Variants in MIGA2 observed in about 807,000 individuals in gnomAD.
The protein encoded by MIGA2 is family with sequence similarity 73, member B.
MIGA2 carries 36 observed loss-of-function variants against 69.9 expected under a neutral mutation model. The observed-to-expected ratio is 0.52, with a 90% CI of 0.39 to 0.68. MIGA2 has a LOEUF of 0.68. Among genes scored for constraint, MIGA2 ranks in the 30% least tolerant of loss-of-function variants. The pLI is 0.00. For missense variants in MIGA2, 660 were observed against 787.7 expected (o/e 0.84, Z 1.94); for synonymous variants, 333 against 349.2 (o/e 0.95, Z 0.52).
chr9:129,042,866 G>A (rs7032735), intron 3 of MIGA2, among the ~76,000 whole-genome samples: 356 of 152,282 alleles, frequency 2.3e-3, no homozygotes, highest in African/African-American at 8.1e-3. Context: ...GTTCTTGAAT[G>A]ATGCAGTATT....
intron 6 of MIGA2, among the ~76,000 whole-genome samples, chr9:129,053,409 G>T (rs1439158258): frequency 1.3e-5 from 2 of 151,658 alleles, no homozygotes; most frequent in South Asian, 2.1e-4. Context: ...TGTTGCCCAG[G>T]CTGGAGTGCA....
At chr9:129,049,648 G>T (rs549398231) in intron 5 of MIGA2, 150 bp downstream of exon 5, 1 of 1,259,420 alleles carries the variant, frequency 7.9e-7, no homozygotes, top group South Asian at 1.3e-5. Context: ...CTGAACAAGG[G>T]ACAGTGTCTA....
rs144558413 is a variant in MIGA2, at chr9:129,059,876, C to T, written c.793+605C>T. Among the ~76,000 whole-genome samples, 415 of 152,240 alleles carry T rather than the reference C, an allele frequency of 2.7e-3. 5 individuals are homozygous for T. Among genetic ancestry groups the T allele is most frequent in the African/African-American group, 9.4e-3 (391 of 41,560 alleles). On this transcript the variant is annotated intron_variant, in intron 7 of 15. Transcript: ENST00000684074. This position sits in a 1 kb window ranked among gnomAD's most constrained non-coding sequence, Gnocchi z 5.6. ...GGCTCTGCCAGTGGAGACACAGAAC[C>T]GGAGTGGGTCGGCCGAGCCACGCAC...
chr9:129,040,749 G>A (rs956809737), intron 2 of MIGA2, 59 bp downstream of exon 2: 5 of 1,496,852 alleles, frequency 3.3e-6, no homozygotes, highest in Non-Finnish European at 4.6e-6. Flanking sequence ...CTCAGCCAAG[G>A]GCTCCTCCGT....
rs773409697 is a variant in MIGA2 at position 129,063,295 on chromosome 9, C to T, written c.1062C>T (p.His354=). 3.1e-6 allele frequency: 5 copies of T among 1,614,000 alleles called. No individual in the cohort carries two copies. Among genetic ancestry groups the T allele is most frequent in the Non-Finnish European group, 4.2e-6 (5 of 1,180,036 alleles). The change falls in exon 10 of 16, where the codon CAC becomes CAT. Residue 354 remains histidine, a synonymous_variant. Transcript: ENST00000684074. ...YSDQDFLAKL[H]CVRQAFEGLL... ...ACCAGGACTTTCTGGCCAAGCTGCA[C>T]TGTGTGCGGCAGGCCTTCGAGGTGG...
At chr9:129,049,313 G>T in intron 4 of MIGA2, 68 bp from the exon 5 acceptor site, 1 of 1,492,358 alleles carries the variant, frequency 6.7e-7, no homozygotes, top group Non-Finnish European at 9.3e-7. Context: ...GTGGAGGAGG[G>T]CTCAGGGGGG....
At chr9:129,058,218 A>T (rs1845889011) in intron 6 of MIGA2, among the ~76,000 whole-genome samples, 1 of 151,868 alleles carries the variant, frequency 6.6e-6, no homozygotes, top group African/African-American at 2.4e-5. Flanking sequence ...GCAATGTGGC[A>T]AAACCCTGTA....
At chr9:129,063,184 C>T in intron 9 of MIGA2, 60 bp from the exon 10 acceptor site, 2 of 1,574,120 alleles carry the variant, frequency 1.3e-6, no homozygotes, top group Non-Finnish European at 1.7e-6. Context: ...TGCCACCTGA[C>T]CCCCCGGGGC....
At chr9:129,057,056 A>C (rs1845834774) in intron 6 of MIGA2, among the ~76,000 whole-genome samples, 1 of 151,926 alleles carries the variant, frequency 6.6e-6, no homozygotes, top group African/African-American at 2.4e-5. Context: ...AAGAAAGGAC[A>C]GTCCTGATGA....
In MIGA2 at chr9:129,049,876, C is replaced by T. The variant is rs374745730; in HGVS notation, c.588C>T (p.Ser196=). Residue 196 remains serine, a synonymous_variant, in exon 6 of 16, where the codon AGC becomes AGT. Coordinates refer to ENST00000684074, the MANE Select transcript of MIGA2 (RefSeq NM_001329990.2). ...EALQKWEQAL[S]VGQRGDSGST... The stretch of plus-strand genomic sequence containing the variant: ...TGCAGAAGTGGGAGCAGGCACTAAG[C>T]GTGGGCCAGCGGGGGGACAGCGGCA... 68 of 1,613,880 alleles carry T rather than the reference C, an allele frequency of 4.2e-5. No homozygotes were observed. Among genetic ancestry groups the T allele is most frequent in the Middle Eastern group, 3.3e-4 (2 of 6,084 alleles).
chr9:129,039,464 C>G (rs999714827), intron 1 of MIGA2, among the ~76,000 whole-genome samples: 2 of 151,992 alleles, frequency 1.3e-5, no homozygotes, highest in African/African-American at 4.8e-5. Context: ...CCAGGATGAT[C>G]TTGATCTCCT....
intron 3 of MIGA2, 64 bp from the exon 4 acceptor site, chr9:129,048,363 G>A: frequency 1.5e-6 from 2 of 1,306,382 alleles, no homozygotes; most frequent in Non-Finnish European, 2.2e-6. Context: ...GTCCAGAGTG[G>A]GGGCAGCCCG....
intron 11 of MIGA2, 104 bp downstream of exon 11, chr9:129,063,735 C>A: frequency 9.3e-7 from 1 of 1,075,650 alleles, no homozygotes. Flanking sequence ...GGCTGATACA[C>A]GTTCCTCCTA....
chr9:129,038,852 G>A (rs901409287), intron 1 of MIGA2, among the ~76,000 whole-genome samples: 1 of 135,294 alleles, frequency 7.4e-6, no homozygotes, highest in Non-Finnish European at 1.5e-5. Context: ...CTGAAGTGCA[G>A]TGGCGCGATC....
chr9:129,045,849 GTT>G (rs373346685), intron 3 of MIGA2, among the ~76,000 whole-genome samples: 1 of 136,146 alleles, frequency 7.3e-6, no homozygotes. Context: ...TAAGTGTTTT[GTT>G]TTTTTTTTTT....
At chr9:129,051,284 A>AT (rs747480607) in intron 6 of MIGA2, 1,566 of 159,818 alleles carry the variant, frequency 9.8e-3, no homozygotes, top group Middle Eastern at 0.015. Context: ...TTATTTATTT[A>AT]TTTTTTTTTT....
Position 129,063,636 on chromosome 9 carries a change from CA to C in MIGA2, c.1170+6del. 3.3e-6 allele frequency: 2 copies of C among 599,948 alleles called. No individual in the cohort carries two copies. The highest frequency in any genetic ancestry group is 1.5e-5 in the South Asian group (1 of 65,706). 37.2% of individuals were successfully genotyped at this position (599,948 alleles called of 1,614,324 possible). On this transcript the variant is annotated splice_donor_region_variant and intron_variant, in intron 11 of 15. Coordinates refer to ENST00000684074, the MANE Select transcript of MIGA2 (RefSeq NM_001329990.2). ...CTGATGACCAAGGCTGAGAAGGTAG[CA>C]GGGGGTGGGGTGGGGGGGCAAATTA...
At chr9:129,052,233 C>G (rs1048836655) in intron 6 of MIGA2, among the ~76,000 whole-genome samples, 8 of 152,090 alleles carry the variant, frequency 5.3e-5, no homozygotes, top group African/African-American at 1.9e-4. Context: ...TCAAGCGATT[C>G]TGTCTCAGCC....
intron 11 of MIGA2, among the ~76,000 whole-genome samples, chr9:129,066,141 G>A (rs376116491): frequency 3.4e-4 from 52 of 152,276 alleles, no homozygotes; most frequent in African/African-American, 1.1e-3. Flanking sequence ...TCTGCTTGGC[G>A]GATGAGGACA....
Sources: gnomAD v4.1 joint callset for allele counts (sites outside exome capture counted in the v4.1 genomes callset) on GRCh38, gnomAD v4.1.1 for gene constraint, Gnocchi (gnomAD v3.1) non-coding constraint, MANE v1.5 for transcripts, NCBI Gene and HGNC (gene_info 2026-07-23, HGNC 2026-07-21) for gene names.